The following NUDC variants were observed in gnomAD, a reference collection of about 807,000 sequenced individuals.
The protein encoded by NUDC is nuclear distribution C, dynein complex regulator, also known as nuclear migration protein nudC.
NUDC carries 14 observed loss-of-function variants against 45.0 expected under a neutral mutation model. That is an observed-to-expected ratio of 0.31 (90% CI 0.21 to 0.49). The LOEUF (loss-of-function observed/expected upper bound fraction) is 0.49. Among genes scored for constraint, NUDC ranks in the 20% least tolerant of loss-of-function variants. The pLI is 0.99. For synonymous variants in NUDC, 153 were observed against 156.7 expected, an observed-to-expected ratio of 0.98 and a Z score of 0.17; for missense variants, 323 against 426.2, an observed-to-expected ratio of 0.76 and a Z score of 2.13.
chr1:26,927,410 T>C (rs1417050345), intron 2 of NUDC, among the ~76,000 whole-genome samples: 1 of 150,596 alleles, frequency 6.6e-6, no homozygotes, highest in Non-Finnish European at 1.5e-5. Context: ...TTTTTTTTTT[T>C]TTTTTGAGAC....
At chr1:26,938,846 G>C (rs1251709312) in intron 2 of NUDC, among the ~76,000 whole-genome samples, 1 of 152,198 alleles carries the variant, frequency 6.6e-6, no homozygotes, top group Non-Finnish European at 1.5e-5. Context: ...CATGCACACT[G>C]TGTATGGGTT....
At chr1:26,941,708 T>C (rs930161537) in intron 3 of NUDC, 45 bp from the exon 4 acceptor site, 1 of 1,613,002 alleles carries the variant, frequency 6.2e-7, no homozygotes, top group Non-Finnish European at 8.5e-7. Context: ...CCCCTGGCAC[T>C]GAGCAGTGGG....
At chr1:26,913,562 T>C (rs1159226673) in intron 3 of NUDC, 7 of 1,614,150 alleles carry the variant, frequency 4.3e-6, no homozygotes, top group Non-Finnish European at 5.9e-6. Flanking sequence ...CCACTGCTGC[T>C]GGGCTCCTCC....
chr1:26,929,745 C>T (rs760330057), intron 2 of NUDC: 10 of 416,812 alleles, frequency 2.4e-5, no homozygotes, highest in East Asian at 2.0e-4. Flanking sequence ...ACTGTAGGGC[C>T]GGGCACAGTG....
chr1:26,923,544 C>T (rs2082108057), intron 1 of NUDC, among the ~76,000 whole-genome samples: 1 of 152,062 alleles, frequency 6.6e-6, no homozygotes, highest in Admixed American at 6.6e-5. Context: ...GATCTTGGCT[C>T]ACTGCAACCT....
intron 4 of NUDC, among the ~76,000 whole-genome samples, chr1:26,942,241 A>G (rs1426048699): frequency 6.6e-6 from 1 of 152,156 alleles, no homozygotes; most frequent in Admixed American, 6.6e-5. Context: ...CCATGAGCCG[A>G]GATCACGCCA....
At chr1:26,942,356 A>G (rs2124139416) in intron 4 of NUDC, among the ~76,000 whole-genome samples, 1 of 152,340 alleles carries the variant, frequency 6.6e-6, no homozygotes, top group East Asian at 1.9e-4. Flanking sequence ...ATAGCCAGAG[A>G]GGGCAGTGCC....
At chr1:26,914,429 C>T (rs2082050050) in intron 3 of NUDC, among the ~76,000 whole-genome samples, 1 of 152,166 alleles carries the variant, frequency 6.6e-6, no homozygotes, top group African/African-American at 2.4e-5. Flanking sequence ...TTATCACTAG[C>T]TTGTTTGCCT....
intron 6 of NUDC, among the ~76,000 whole-genome samples, chr1:26,943,443 C>T (rs1557681972): frequency 1.3e-5 from 2 of 152,036 alleles, no homozygotes; most frequent in Admixed American, 6.6e-5. Context: ...GTCTTGAACT[C>T]CTGGCCTCAA....
chr1:26,933,562 T>C (rs1038047268), intron 2 of NUDC, among the ~76,000 whole-genome samples: 3 of 151,848 alleles, frequency 2.0e-5, no homozygotes, highest in Admixed American at 6.6e-5. Context: ...TACAGGCACC[T>C]GCCACCACAC....
intron 2 of NUDC, among the ~76,000 whole-genome samples, chr1:26,938,408 C>A (rs1368990125): frequency 6.6e-6 from 1 of 152,130 alleles, no homozygotes; most frequent in Non-Finnish European, 1.5e-5. Flanking sequence ...TTGGCAAATG[C>A]CTTTAGTTCA....
Position 26,946,656 on chromosome 1 carries a change from A to G in NUDC, c.*475A>G. On this transcript the variant is annotated 3_prime_UTR_variant, in exon 9 of 9. Transcript: ENST00000321265. ...CACCTGATGTCAGGAGTTTGAGACC[A>G]GCTTGGCCAACATGGAGAAACCCAG... 4.8e-6 allele frequency: 1 copy of G among 206,574 alleles called. No individual in the cohort carries two copies. The allele number at this position is 206,574 out of a possible 1,614,324, so 12.8% of individuals were successfully genotyped here. A position where few individuals can be genotyped will look rare whatever the true frequency, so the allele number is the denominator to read the frequency against.
intron 3 of NUDC, chr1:26,911,886 C>T (rs774746078): frequency 2.5e-6 from 4 of 1,614,126 alleles, no homozygotes; most frequent in South Asian, 1.1e-5. Flanking sequence ...CCAGCGATGT[C>T]AACATCTCCA....
At chr1:26,937,184 G>A (rs1470269909) in intron 2 of NUDC, among the ~76,000 whole-genome samples, 1 of 152,014 alleles carries the variant, frequency 6.6e-6, no homozygotes, top group African/African-American at 2.4e-5. Context: ...GGGGCCTGGA[G>A]CCTCCGTACC....
chr1:26,910,128 G>C (rs1570710787), intron 2 of NUDC, among the ~76,000 whole-genome samples: 1 of 152,286 alleles, frequency 6.6e-6, no homozygotes, highest in South Asian at 2.1e-4. Flanking sequence ...TCTCCCCACT[G>C]TGTGCCCCAC....
At chr1:26,900,719 G>A (rs756852100) in intron 1 of NUDC, among the ~76,000 whole-genome samples, 7 of 152,170 alleles carry the variant, frequency 4.6e-5, no homozygotes, top group Non-Finnish European at 7.4e-5. Flanking sequence ...GGTCATTTTT[G>A]AGGTATTTAG....
At chr1:26,924,224 A>G (rs2082113449) in intron 2 of NUDC, 58 bp downstream of exon 2, 1 of 1,445,754 alleles carries the variant, frequency 6.9e-7, no homozygotes, top group Non-Finnish European at 9.7e-7. Flanking sequence ...AGAAAAGCTC[A>G]CCTGGCCTTT....
chr1:26,917,431 G>A (rs1176900889), upstream of NUDC, among the ~76,000 whole-genome samples: 2 of 151,004 alleles, frequency 1.3e-5, no homozygotes, highest in Non-Finnish European at 3.0e-5. Flanking sequence ...GTATGGTGGT[G>A]CACGCCTGTA....
At chr1:26,921,387 G>A (rs2082089726), upstream of NUDC, among the ~76,000 whole-genome samples, 1 of 152,190 alleles carries the variant, frequency 6.6e-6, no homozygotes, top group Admixed American at 6.5e-5. Context: ...GATTGGAAGA[G>A]ATGAGTAAGG....
Sources: gnomAD v4.1 joint callset for allele counts (sites outside exome capture counted in the v4.1 genomes callset) on GRCh38, gnomAD v4.1.1 for gene constraint, MANE v1.5 for transcripts, NCBI Gene and HGNC (gene_info 2026-07-23, HGNC 2026-07-21) for gene names.